MYH1: variants seen among roughly 807,000 people sequenced by gnomAD.
The protein encoded by MYH1 is myosin-1.
Under a neutral mutation model 225.6 loss-of-function variants are expected in MYH1, and 214 were observed. The ratio of observed to expected loss-of-function variants is 0.95; its 90% CI spans 0.85 to 1.06. MYH1 has a LOEUF of 1.06. MYH1 is among the 50% of genes least tolerant of loss of function. MYH1 has a pLI of 0.00. For missense variants in MYH1, 2,098 were observed against 2,344.2 expected (o/e 0.89, Z 2.17); for synonymous variants, 774 against 842.3 (o/e 0.92, Z 1.40).
intron 17 of MYH1, among the ~76,000 whole-genome samples, chr17:10,507,375 A>T (rs1286551889): frequency 6.6e-6 from 1 of 152,088 alleles, no homozygotes; most frequent in African/African-American, 2.4e-5. Flanking sequence ...AATTTTTTTA[A>T]AAGTGCTATT....
chr17:10,507,434 T>A (rs983084740), intron 17 of MYH1, among the ~76,000 whole-genome samples: 1 of 152,210 alleles, frequency 6.6e-6, no homozygotes, highest in African/African-American at 2.4e-5. Flanking sequence ...CAGGCTCCAA[T>A]TCCCACCACT....
chr17:10,500,655 G>A lies in MYH1; in HGVS notation c.3836C>T (p.Ala1279Val). ...TTCTGTTTGCAGGCGCGCTCTCTGT[G>A]CTGTGAGGTCATTGATCAGCCGCTG... ...EQQRLINDLT[A>V]QRARLQTESG... Residue 1279 changes from alanine (A) to valine (V), a missense_variant, in exon 28 of 40, where the codon GCA becomes GTA. Ala to Val is a moderately conservative substitution (Grantham distance 64). Transcript: ENST00000226207. The A allele has an allele frequency of 6.2e-7, 1 of 1,613,856 alleles. No individual in the cohort carries two copies.
At position 10,505,463 on chromosome 17, in the gene MYH1, AT is replaced by A; in HGVS notation, c.2222del (p.Asp741ValfsTer37). 4 of 1,614,182 alleles carry A rather than the reference AT, an allele frequency of 2.5e-6. No individual in the cohort carries two copies. The highest frequency in any genetic ancestry group is 3.4e-6 in the Non-Finnish European group (4 of 1,179,994). On this transcript the variant is annotated frameshift_variant, in exon 20 of 40. Coordinates refer to ENST00000226207, the MANE Select transcript of MYH1 (RefSeq NM_005963.4). LOFTEE classifies it high-confidence loss of function. ...ASAIPEGQFI[D>X]SKKASEKLLG... ...GGAGCTTCTCTGAAGCCTTCTTGCT[AT>A]CGATGAATTGTCCTTCAGGGATAGC... is the stretch of plus-strand genomic sequence containing the variant.
chr17:10,492,672 G>T, intron 39 of MYH1, 104 bp from the exon 40 acceptor site: 1 of 1,281,418 alleles, frequency 7.8e-7, no homozygotes, highest in Non-Finnish European at 1.1e-6. Flanking sequence ...ATTCACTCTA[G>T]CAGATATTTT....
At chr17:10,496,823 T>G (rs1196927683) in intron 33 of MYH1, among the ~76,000 whole-genome samples, 1 of 152,250 alleles carries the variant, frequency 6.6e-6, no homozygotes, top group Non-Finnish European at 1.5e-5. Context: ...TTATATGCTT[T>G]TATCTCCCTA....
chr17:10,509,683 A>T, intron 14 of MYH1, 28 bp from the exon 15 acceptor site: 1 of 1,614,186 alleles, frequency 6.2e-7, no homozygotes, highest in Non-Finnish European at 8.5e-7. Flanking sequence ...ACAAATTAGC[A>T]TTCAATTTAT....
chr17:10,508,916 TG>T (rs1300464248), intron 15 of MYH1, among the ~76,000 whole-genome samples: 1 of 152,206 alleles, frequency 6.6e-6, no homozygotes, highest in African/African-American at 2.4e-5. Flanking sequence ...TGTGCTCCTG[TG>T]GAGTTTGTGT....
intron 9 of MYH1, 145 bp from the exon 10 acceptor site, chr17:10,513,110 T>C: frequency 1.6e-6 from 1 of 637,408 alleles, no homozygotes; most frequent in South Asian, 2.0e-5. Flanking sequence ...ATATTATGTC[T>C]CTACAAACAC....
intron 2 of MYH1, 68 bp from the exon 3 acceptor site, chr17:10,516,750 T>TA (rs1016052722): frequency 1.9e-4 from 256 of 1,352,626 alleles, no homozygotes; most frequent in Non-Finnish European, 2.1e-4. Context: ...TTTAAAACTT[T>TA]AAAAAAAAAT....
At chr17:10,492,743 G>C (rs1324691298) in intron 39 of MYH1, among the ~76,000 whole-genome samples, 175 bp from the exon 40 acceptor site, 1 of 151,546 alleles carries the variant, frequency 6.6e-6, no homozygotes, top group Non-Finnish European at 1.5e-5. Flanking sequence ...TTAGCTTCTT[G>C]AACTCATAGA....
chr17:10,513,930 A>C lies in MYH1; in HGVS notation c.649-17T>G. 1 of 1,613,802 alleles carries C rather than the reference A, an allele frequency of 6.2e-7. No individual in the cohort carries two copies. The highest frequency in any genetic ancestry group is 8.5e-7 in the Non-Finnish European group (1 of 1,179,694). On this transcript the variant is annotated splice_polypyrimidine_tract_variant and intron_variant, in intron 7 of 39. Coordinates refer to ENST00000226207, the MANE Select transcript of MYH1 (RefSeq NM_005963.4). ...CAGAGTCCCCTGCAAAGGCAAGAGC[A>C]GTCCTTGCATCTGGGGCTTGGGAAT...
At chr17:10,497,965 T>C in intron 30 of MYH1, 48 bp from the exon 31 acceptor site, 1 of 1,525,194 alleles carries the variant, frequency 6.6e-7, no homozygotes, top group Non-Finnish European at 8.8e-7. Context: ...CTGAATTGGG[T>C]GTTTCAAAGT....
chr17:10,494,633 C>T lies in MYH1; in HGVS notation c.5507G>A (p.Arg1836His), dbSNP rs376702386. The T allele has an allele frequency of 3.7e-5, 60 of 1,614,082 alleles. No individual in the cohort carries two copies. Among genetic ancestry groups the T allele is most frequent in the African/African-American group, 2.3e-4 (17 of 75,042 alleles). The change falls in exon 38 of 40, where the codon CGC becomes CAC. Residue 1836 changes from arginine to histidine, a missense_variant. Transcript: ENST00000226207. ...LEGEVESEQK[R>H]NVEAVKGLRK... is the part of the protein sequence containing the mutation. ...TAGACCCTTGACAGCTTCAACATTG[C>T]GCTTCTGTTCACTTTCAACTTCACC...
intron 2 of MYH1, among the ~76,000 whole-genome samples, chr17:10,517,879 G>A (rs1002608417): frequency 6.6e-6 from 1 of 152,110 alleles, no homozygotes; most frequent in African/African-American, 2.4e-5. Context: ...AAAAGCCATG[G>A]TATAGAAAAT....
At chr17:10,504,715 C>A (rs2073091502) in intron 22 of MYH1, 95 bp downstream of exon 22, 2 of 1,373,822 alleles carry the variant, frequency 1.5e-6, no homozygotes, top group South Asian at 2.8e-5. Flanking sequence ...GATTCATAAT[C>A]TGTCCCTTAT....
rs148125991 is a variant in MYH1 at position 10,495,100 on chromosome 17, G to A, written c.5297C>T (p.Ala1766Val). The A allele has an allele frequency of 8.1e-6, 13 of 1,614,202 alleles. No individual in the cohort carries two copies. In the African/African-American group the frequency reaches 1.6e-4, roughly 20 times the overall value. ...EEKAKKAITDAAMMAEELKKE... is the reference protein window; with the variant it reads ...EEKAKKAITDVAMMAEELKKE... ...CTTCAGCTCCTCAGCCATCATGGCA[G>A]CCTAATTAGCAGTAAAACAGAATGG... Residue 1766 changes from alanine (A) to valine (V), a missense_variant and splice_region_variant, in exon 37 of 40, where the codon GCT becomes GTT. Transcript: ENST00000226207.
chr17:10,502,667 C>T (rs183700019), intron 24 of MYH1, 71 bp downstream of exon 24: 106 of 1,607,280 alleles, frequency 6.6e-5, no homozygotes, highest in Admixed American at 4.2e-4. Flanking sequence ...TATATCATAA[C>T]GACACAAACT....
At chr17:10,504,198 C>T (rs1441553460) in intron 22 of MYH1, among the ~76,000 whole-genome samples, 5 of 152,154 alleles carry the variant, frequency 3.3e-5, no homozygotes, top group African/African-American at 1.2e-4. Flanking sequence ...TCAAATATTT[C>T]TCTCCAAGCC....
At chr17:10,509,449 G>A in intron 15 of MYH1, 36 bp downstream of exon 15, 3 of 1,613,670 alleles carry the variant, frequency 1.9e-6, no homozygotes, top group Non-Finnish European at 2.5e-6. Context: ...ATACTGTACA[G>A]CAGTATGATC....
Sources: gnomAD v4.1 joint callset for allele counts (sites outside exome capture counted in the v4.1 genomes callset) on GRCh38, gnomAD v4.1.1 for gene constraint, MANE v1.5 for transcripts, NCBI Gene and HGNC (gene_info 2026-07-23, HGNC 2026-07-21) for gene names.